GINS1: variants seen among roughly 807,000 people sequenced by gnomAD.
GINS1 encodes GINS complex subunit 1.
Under a neutral mutation model 34.9 loss-of-function variants are expected in GINS1, and 26 were observed. The observed-to-expected ratio is 0.74, with a 90% CI of 0.55 to 1.03. GINS1 has a LOEUF of 1.03. Ranked by LOEUF, GINS1 falls within the 50% of genes least tolerant of loss-of-function variation. GINS1 has a pLI of 0.00. For missense variants in GINS1, 235 were observed against 237.9 expected (o/e 0.99, Z 0.08); for synonymous variants, 97 against 84.4 (o/e 1.15, Z -0.82).
intron 5 of GINS1, among the ~76,000 whole-genome samples, chr20:25,436,068 C>G (rs929632757): frequency 4.0e-5 from 6 of 151,536 alleles, no homozygotes; most frequent in Non-Finnish European, 8.8e-5. Context: ...GTGATCTCAC[C>G]TTGGCCTCCC....
At chr20:25,417,073 TA>T (rs761095326) in intron 2 of GINS1, 30 bp from the exon 3 acceptor site, 7 of 972,044 alleles carry the variant, frequency 7.2e-6, no homozygotes, top group African/African-American at 1.6e-5. Flanking sequence ...GAAAAGTACA[TA>T]TTTTTTTTCT....
chr20:25,442,342 GTCTGTC>G, intron 6 of GINS1, among the ~76,000 whole-genome samples: 1 of 51,074 alleles, frequency 2.0e-5, no homozygotes, highest in Non-Finnish European at 5.8e-5. Flanking sequence ...CTATCTATCT[GTCTGTC>G]TGTCTGTCTG....
intron 1 of GINS1, among the ~76,000 whole-genome samples, chr20:25,409,919 T>C (rs942524278): frequency 1.3e-5 from 2 of 152,194 alleles, no homozygotes; most frequent in Non-Finnish European, 2.9e-5. Context: ...ACAGAGAGAC[T>C]GTGCAAACAG....
At chr20:25,421,954 C>T (rs2090358032) in intron 4 of GINS1, among the ~76,000 whole-genome samples, 1 of 151,600 alleles carries the variant, frequency 6.6e-6, no homozygotes, top group African/African-American at 2.4e-5. Context: ...TCATACTTAT[C>T]AATACAAAAT....
intron 1 of GINS1, chr20:25,411,075 C>T (rs764106102): frequency 1.3e-5 from 2 of 152,006 alleles, no homozygotes; most frequent in South Asian, 2.1e-4. Context: ...CCCAGGAGTT[C>T]GAGACTAGCC....
rs187908108 is a variant in GINS1 at position 25,433,008 on chromosome 20, G to C, written c.447+7681G>C. Among the ~76,000 whole-genome samples the C allele has an allele frequency of 1.4e-3, 207 of 151,662 alleles. 1 individual carries two copies. Among genetic ancestry groups the C allele is most frequent in the African/African-American group, 4.7e-3 (195 of 41,438 alleles). ...CCTGGTTCTCTTTTGGCAGGTATTC[G>C]CATAGAATATCTTCTTCTACCCTTT... On this transcript the variant is annotated intron_variant, in intron 5 of 6. Coordinates refer to ENST00000262460, the MANE Select transcript of GINS1 (RefSeq NM_021067.5).
intron 5 of GINS1, among the ~76,000 whole-genome samples, chr20:25,439,438 C>T (rs2090470750): frequency 6.6e-6 from 1 of 152,006 alleles, no homozygotes; most frequent in Non-Finnish European, 1.5e-5. Flanking sequence ...TTTGGGAGGC[C>T]AAAGCAGGAG....
chr20:25,443,193 C>G (rs1258916195), intron 6 of GINS1: 1 of 152,128 alleles, frequency 6.6e-6, no homozygotes, highest in Non-Finnish European at 1.5e-5. Flanking sequence ...AATTATTTTA[C>G]TAATACCCTT....
intron 1 of GINS1, among the ~76,000 whole-genome samples, chr20:25,412,266 CTT>C (rs2090290595): frequency 6.6e-6 from 1 of 152,024 alleles, no homozygotes; most frequent in Non-Finnish European, 1.5e-5. Context: ...TTTAAGATCA[CTT>C]TTAAGCTGGG....
At chr20:25,437,800 T>G (rs1205323984) in intron 5 of GINS1, among the ~76,000 whole-genome samples, 1 of 152,088 alleles carries the variant, frequency 6.6e-6, no homozygotes, top group Non-Finnish European at 1.5e-5. Flanking sequence ...AAAAGGGTAA[T>G]TGACATTACC....
At chr20:25,434,833 C>T (rs944298928) in intron 5 of GINS1, among the ~76,000 whole-genome samples, 2 of 152,206 alleles carry the variant, frequency 1.3e-5, no homozygotes, top group African/African-American at 4.8e-5. Context: ...CACTCTGCTT[C>T]CAATGTGGCG....
rs762513160 is a variant in GINS1 at position 25,407,803 on chromosome 20, G to A, written c.-18G>A. On this transcript the variant is annotated 5_prime_UTR_variant, in exon 1 of 7. Coordinates refer to ENST00000262460, the MANE Select transcript of GINS1 (RefSeq NM_021067.5). ...GAGCTGGTGGTTGGCAAGGCCGCGG[G>A]AGTGGGAAGCGTCCGCCATGTTCTG... The A allele has an allele frequency of 4.3e-6, 7 of 1,610,470 alleles. No individual in the cohort carries two copies. The highest frequency in any genetic ancestry group is 5.9e-6 in the Non-Finnish European group (7 of 1,177,054).
At chr20:25,410,793 C>T (rs1029255122) in intron 1 of GINS1, among the ~76,000 whole-genome samples, 4 of 152,032 alleles carry the variant, frequency 2.6e-5, no homozygotes, top group Admixed American at 6.6e-5. Flanking sequence ...GAACTCCTGA[C>T]CTCAGGCGAT....
intron 6 of GINS1, among the ~76,000 whole-genome samples, chr20:25,442,380 C>T (rs2090486949): frequency 6.6e-6 from 1 of 151,982 alleles, no homozygotes. Context: ...GTCTATCTAT[C>T]TATCTATCTT....
At position 25,441,741 on chromosome 20, in the gene GINS1, G is replaced by C; in HGVS notation, c.487G>C (p.Asp163His). Residue 163 changes from aspartate to histidine, a missense_variant, in exon 6 of 7, where the codon GAT becomes CAT. Coordinates refer to ENST00000262460, the MANE Select transcript of GINS1 (RefSeq NM_021067.5). ...LKDYGEFEVD[D>H]GTSVLLKKNS... ...AGACTATGGAGAATTTGAAGTTGAT[G>C]ATGGCACTTCAGTCCTATTAAAAAA... 2 of 1,568,368 alleles carry C rather than the reference G, an allele frequency of 1.3e-6. No individual in the cohort carries two copies. The highest frequency in any genetic ancestry group is 1.7e-6 in the Non-Finnish European group (2 of 1,146,380).
At chr20:25,426,523 A>G (rs1312392743) in intron 5 of GINS1, among the ~76,000 whole-genome samples, 1 of 148,632 alleles carries the variant, frequency 6.7e-6, no homozygotes, top group African/African-American at 2.5e-5. Flanking sequence ...CCATTGCACA[A>G]TTTTTTTTTT....
At chr20:25,437,620 C>T (rs943179439) in intron 5 of GINS1, among the ~76,000 whole-genome samples, 1 of 152,180 alleles carries the variant, frequency 6.6e-6, no homozygotes, top group Non-Finnish European at 1.5e-5. Context: ...TTACCTGAAT[C>T]CAGGAGTTAT....
chr20:25,417,139 TA>T lies in GINS1; in HGVS notation c.177del (p.Pro60GlnfsTer11). On this transcript the variant is annotated frameshift_variant, in exon 3 of 7. Coordinates refer to ENST00000262460, the MANE Select transcript of GINS1 (RefSeq NM_021067.5). LOFTEE classifies it high-confidence loss of function. ...EAKSGGRSDL[I>X]PTIKFRHCSL... ...AAGTCAGGTGGACGAAGTGATTTGA[TA>T]CCAACTATCAAATTTCGACACTGTT... 1 of 1,592,218 alleles carries T rather than the reference TA, an allele frequency of 6.3e-7. No homozygotes were observed. The highest frequency in any genetic ancestry group is 2.2e-5 in the East Asian group (1 of 44,728).
intron 4 of GINS1, among the ~76,000 whole-genome samples, chr20:25,421,557 T>A (rs1231434906): frequency 6.6e-6 from 1 of 152,242 alleles, no homozygotes; most frequent in Non-Finnish European, 1.5e-5. Flanking sequence ...ACATCTTTTA[T>A]GTTTTTAAAA....
Sources: gnomAD v4.1 joint callset for allele counts (sites outside exome capture counted in the v4.1 genomes callset) on GRCh38, gnomAD v4.1.1 for gene constraint, MANE v1.5 for transcripts, NCBI Gene and HGNC (gene_info 2026-07-23, HGNC 2026-07-21) for gene names.